The following DNER variants were observed in gnomAD, a reference collection of about 807,000 sequenced individuals.
The protein encoded by DNER is delta and Notch-like epidermal growth factor-related receptor.
Under a neutral mutation model 78.2 loss-of-function variants are expected in DNER, and 33 were observed. That is an observed-to-expected ratio of 0.42 (90% CI 0.32 to 0.56). The LOEUF is 0.56. Among genes scored for constraint, DNER ranks in the 20% least tolerant of loss-of-function variants. DNER has a pLI of 0.11. For missense variants in DNER, 918 were observed against 975.3 expected (o/e 0.94, Z 0.78); for synonymous variants, 417 against 384.8 (o/e 1.08, Z -0.98).
At chr2:229,430,329 A>C (rs1693977276) in intron 8 of DNER, among the ~76,000 whole-genome samples, 1 of 152,128 alleles carries the variant, frequency 6.6e-6, no homozygotes, top group African/African-American at 2.4e-5. Flanking sequence ...ACTGAGTGTC[A>C]ACTTGATTGG....
intron 2 of DNER, 109 bp from the exon 3 acceptor site, chr2:229,588,597 G>A (rs991217432): frequency 2.3e-5 from 20 of 864,888 alleles, no homozygotes; most frequent in East Asian, 5.2e-5. Context: ...TTGATGATGC[G>A]GGGGTAGGGC....
At chr2:229,534,227 A>G (rs1334514683) in intron 5 of DNER, among the ~76,000 whole-genome samples, 2 of 152,152 alleles carry the variant, frequency 1.3e-5, no homozygotes, top group African/African-American at 4.8e-5. Flanking sequence ...GTAACAGACC[A>G]ATAGATTGTG....
Position 229,387,568 on chromosome 2 carries a change from AAAAG to A in DNER, c.1855+693_1855+696del, listed in dbSNP as rs895770917. ...GAAAGAAAGAAAGAAAGAAAGAAAG[AAAAG>A]AAAGAAGGAAGGAAGGAAAGAAGGA... On this transcript the variant is annotated intron_variant, in intron 11 of 12. Coordinates refer to ENST00000341772, the MANE Select transcript of DNER (RefSeq NM_139072.4). 3.5e-5 allele frequency among the ~76,000 whole-genome samples: 5 copies of A among 144,772 alleles called. No individual in the cohort carries two copies. The South Asian group carries it at 6.6e-4, about 19-fold the overall frequency. The allele number at this position is 144,772 out of a possible 152,430, so 95.0% of individuals were successfully genotyped here. A position where few individuals can be genotyped will look rare whatever the true frequency, so the allele number is the denominator to read the frequency against.
intron 5 of DNER, among the ~76,000 whole-genome samples, chr2:229,533,256 C>A (rs10174419): frequency 5.9e-5 from 9 of 152,082 alleles, no homozygotes; most frequent in African/African-American, 2.2e-4. Flanking sequence ...TCCAGACCTC[C>A]GGGGACTCCC....
At chr2:229,641,404 A>G (rs1376670666) in intron 1 of DNER, among the ~76,000 whole-genome samples, 1 of 152,208 alleles carries the variant, frequency 6.6e-6, no homozygotes, top group East Asian at 1.9e-4. Context: ...GACAGAGTAG[A>G]GTTTACGGCA....
At chr2:229,471,311 C>T (rs951216489) in intron 7 of DNER, among the ~76,000 whole-genome samples, 5 of 150,926 alleles carry the variant, frequency 3.3e-5, no homozygotes, top group East Asian at 1.9e-4. Flanking sequence ...AATTTGAGTT[C>T]GACAAAAGGA....
intron 5 of DNER, among the ~76,000 whole-genome samples, chr2:229,523,939 C>G (rs1277892900): frequency 1.3e-5 from 2 of 152,244 alleles, no homozygotes; most frequent in Non-Finnish European, 2.9e-5. Context: ...ATCATCTTCA[C>G]TGTGAATATT....
At chr2:229,517,643 G>A (rs1696007162) in intron 5 of DNER, among the ~76,000 whole-genome samples, 1 of 152,360 alleles carries the variant, frequency 6.6e-6, no homozygotes, top group African/African-American at 2.4e-5. Context: ...AGAGGTCACT[G>A]GGCGTGCCGT....
At chr2:229,664,654 T>G (rs2154216660) in intron 1 of DNER, among the ~76,000 whole-genome samples, 1 of 152,276 alleles carries the variant, frequency 6.6e-6, no homozygotes, top group Admixed American at 6.5e-5. Flanking sequence ...ATAAGTAAAC[T>G]GAAGCACAAA....
chr2:229,375,202 A>ATG (rs1392270837), intron 11 of DNER, among the ~76,000 whole-genome samples: 5 of 152,156 alleles, frequency 3.3e-5, no homozygotes, highest in Non-Finnish European at 5.9e-5. Flanking sequence ...ATGCCCAGAG[A>ATG]CTTTTAGTTG....
At chr2:229,596,584 G>A (rs1452007503) in intron 1 of DNER, among the ~76,000 whole-genome samples, 1 of 152,228 alleles carries the variant, frequency 6.6e-6, no homozygotes, top group Non-Finnish European at 1.5e-5. Flanking sequence ...AGTGTCAGAG[G>A]TGCTGGTTGA....
rs59207662 is a variant in DNER, at chr2:229,668,418, TTATATATATA to T, written c.276+45720_276+45729del. ...GAAAGAATACACATAAAATATTCTT[TTATATATATA>T]TATATATATATATACACTTATATAT... On this transcript the variant is annotated intron_variant, in intron 1 of 12. Transcript: ENST00000341772. 4.0e-4 allele frequency among the ~76,000 whole-genome samples: 53 copies of T among 132,568 alleles called. 1 individual carries two copies. In the South Asian group the frequency reaches 8.3e-3, roughly 21 times the overall value. 87.0% of individuals were successfully genotyped at this position (132,568 alleles called of 152,430 possible). A position where few individuals can be genotyped will look rare whatever the true frequency, so the allele number is the denominator to read the frequency against.
intron 1 of DNER, among the ~76,000 whole-genome samples, chr2:229,638,309 A>T (rs1437563784): frequency 6.6e-6 from 1 of 152,256 alleles, no homozygotes; most frequent in African/African-American, 2.4e-5. Context: ...ATCTAATTTC[A>T]TAATTGCAGT....
chr2:229,435,111 C>A (rs55669826), intron 8 of DNER, among the ~76,000 whole-genome samples: 4,977 of 152,212 alleles, frequency 0.033, 269 homozygotes, highest in African/African-American at 0.11. Flanking sequence ...GCCACTGGGA[C>A]ATTGGCAAAC....
intron 7 of DNER, among the ~76,000 whole-genome samples, chr2:229,474,535 C>T (rs145316066): frequency 6.4e-4 from 97 of 152,250 alleles, no homozygotes; most frequent in African/African-American, 2.3e-3. Flanking sequence ...TGGTGTGCCA[C>T]CGGATAAAGG....
chr2:229,705,858 T>A (rs1429190864), intron 1 of DNER, among the ~76,000 whole-genome samples: 1 of 152,192 alleles, frequency 6.6e-6, no homozygotes, highest in Non-Finnish European at 1.5e-5. Context: ...GTAACTCAGT[T>A]AAGATGCTCA....
At chr2:229,525,087 C>A (rs376939107) in intron 5 of DNER, among the ~76,000 whole-genome samples, 1 of 152,330 alleles carries the variant, frequency 6.6e-6, no homozygotes, top group African/African-American at 2.4e-5. Context: ...CCATGGGGCT[C>A]TTTCACATGT....
chr2:229,521,305 C>T (rs1225305841), intron 5 of DNER, among the ~76,000 whole-genome samples: 2 of 152,194 alleles, frequency 1.3e-5, no homozygotes, highest in African/African-American at 4.8e-5. Context: ...ACAGTGTGTC[C>T]TGGCCGACTC....
chr2:229,418,782 G>GT (rs772595305), intron 8 of DNER, among the ~76,000 whole-genome samples: 2 of 152,034 alleles, frequency 1.3e-5, no homozygotes, highest in Non-Finnish European at 2.9e-5. Flanking sequence ...TTAGCCAGGC[G>GT]TGGTGGCGGG....
Sources: allele counts gnomAD v4.1 joint callset (sites outside exome capture counted in the v4.1 genomes callset), GRCh38; gene constraint gnomAD v4.1.1; transcripts MANE v1.5; gene names NCBI Gene and HGNC (gene_info 2026-07-23, HGNC 2026-07-21).